Variants in CPAMD8 observed in about 807,000 individuals in gnomAD.
The protein encoded by CPAMD8 is C3 and PZP like alpha-2-macroglobulin domain containing 8.
In CPAMD8, 146 loss-of-function variants were observed where a neutral mutation model predicts 224.7. That is an observed-to-expected ratio of 0.65 (90% confidence interval 0.57 to 0.75). CPAMD8 has a LOEUF of 0.75. CPAMD8 is among the 30% of genes least tolerant of loss of function. The pLI is 0.00. For missense variants in CPAMD8, 2,301 were observed against 2,537.5 expected (o/e 0.91, Z 2.00); for synonymous variants, 966 against 1,044.6 (o/e 0.92, Z 1.45).
intron 19 of CPAMD8, among the ~76,000 whole-genome samples, chr19:16,955,607 T>C (rs2054444289): frequency 6.6e-6 from 1 of 152,194 alleles, no homozygotes; most frequent in Non-Finnish European, 1.5e-5. Context: ...AACTATACAC[T>C]TAAAAATGGT....
At chr19:16,948,886 G>A (rs1599763004) in intron 20 of CPAMD8, among the ~76,000 whole-genome samples, 1 of 76,076 alleles carries the variant, frequency 1.3e-5, no homozygotes, top group Non-Finnish European at 2.5e-5. Context: ...GGGAAGGGAA[G>A]GGAAGGGAAG....
chr19:16,984,797 G>A (rs1370518496), intron 13 of CPAMD8, among the ~76,000 whole-genome samples: 1 of 152,108 alleles, frequency 6.6e-6, no homozygotes, highest in South Asian at 2.1e-4. Flanking sequence ...ATCACTTGAG[G>A]CCAGGAGTTC....
chr19:16,977,622 TTG>T, intron 14 of CPAMD8, 82 bp from the exon 15 acceptor site: 1 of 1,114,414 alleles, frequency 9.0e-7, no homozygotes, highest in East Asian at 2.5e-5. Flanking sequence ...CTGCCCCAAT[TTG>T]CCCTGCGCTA....
At chr19:16,935,886 G>C (rs1207241111) in intron 23 of CPAMD8, among the ~76,000 whole-genome samples, 1 of 151,806 alleles carries the variant, frequency 6.6e-6, no homozygotes. Flanking sequence ...CAAAGTTTGA[G>C]TGGTCCACTT....
chr19:16,896,451 C>T lies in CPAMD8; in HGVS notation c.5275+5G>A, dbSNP rs1297961793. On this transcript the variant is annotated splice_donor_5th_base_variant and intron_variant, in intron 40 of 41. Coordinates refer to ENST00000443236, the MANE Select transcript of CPAMD8 (RefSeq NM_015692.5). ...CCGAGGCTAGGCGGGGGGTAGGGTC[C>T]TCACCGAGGGCGCAGCAGCTGGGAG... 1 of 1,453,972 alleles carries T rather than the reference C, an allele frequency of 6.9e-7. No individual in the cohort carries two copies. 90.1% of individuals were successfully genotyped at this position (1,453,972 alleles called of 1,614,324 possible). A position where few individuals can be genotyped will look rare whatever the true frequency, so the allele number is the denominator to read the frequency against.
chr19:16,945,255 G>T (rs1308142828), intron 22 of CPAMD8, among the ~76,000 whole-genome samples: 1 of 152,202 alleles, frequency 6.6e-6, no homozygotes, highest in Non-Finnish European at 1.5e-5. Context: ...CGAGATGAGG[G>T]ACATGGTCTT....
intron 18 of CPAMD8, among the ~76,000 whole-genome samples, chr19:16,963,014 G>C (rs1407687594): frequency 6.6e-6 from 1 of 152,118 alleles, no homozygotes; most frequent in Non-Finnish European, 1.5e-5. Flanking sequence ...TCACCACCAG[G>C]CCTGCCTTTC....
chr19:16,977,240 C>T, intron 15 of CPAMD8, 128 bp downstream of exon 15: 1 of 662,764 alleles, frequency 1.5e-6, no homozygotes, highest in Non-Finnish European at 2.6e-6. Flanking sequence ...AACTCATGTT[C>T]CCATAATTCC....
At chr19:16,900,890 T>C (rs2052225783) in intron 36 of CPAMD8, among the ~76,000 whole-genome samples, 1 of 151,986 alleles carries the variant, frequency 6.6e-6, no homozygotes, top group Non-Finnish European at 1.5e-5. Context: ...TGCATGCTTG[T>C]AGTCCCAGCT....
intron 30 of CPAMD8, among the ~76,000 whole-genome samples, chr19:16,906,309 CTT>C (rs918632419): frequency 1.4e-4 from 20 of 140,084 alleles, no homozygotes; most frequent in African/African-American, 4.5e-4. Flanking sequence ...CCCTCTCTCT[CTT>C]CTCTCCCTCC....
At position 16,920,466 on chromosome 19, in the gene CPAMD8, C is replaced by T. The variant is rs111613329; in HGVS notation, c.3629+1439G>A. Among the ~76,000 whole-genome samples the T allele has an allele frequency of 1.0e-2, 1,500 of 150,046 alleles. 24 individuals carry two copies. The highest frequency in any genetic ancestry group is 0.035 in the African/African-American group (1,405 of 40,706). Reference sequence around the variant, plus strand: ...CTGCACTCCAGCCTGGGTGACAGAGCGAGACTCCGTCTCAAAAAAAACAAA... The same window carrying T: ...CTGCACTCCAGCCTGGGTGACAGAGTGAGACTCCGTCTCAAAAAAAACAAA... On this transcript the variant is annotated intron_variant, in intron 27 of 41. Transcript: ENST00000443236.
At chr19:17,008,146 G>A (rs754182485) in intron 7 of CPAMD8, among the ~76,000 whole-genome samples, 17 of 152,346 alleles carry the variant, frequency 1.1e-4, no homozygotes, top group Middle Eastern at 3.4e-3. Context: ...TCCAGCCTGG[G>A]TGACAGAGAG....
chr19:16,950,449 T>A (rs1218275321), intron 20 of CPAMD8, among the ~76,000 whole-genome samples: 1 of 151,996 alleles, frequency 6.6e-6, no homozygotes, highest in Non-Finnish European at 1.5e-5. Context: ...ACATCCTGCA[T>A]GACGGGATCT....
chr19:16,975,874 C>CGACG (rs1266440398), intron 16 of CPAMD8, 128 bp downstream of exon 16: 1 of 1,018,268 alleles, frequency 9.8e-7, no homozygotes. Context: ...AAAATGAACC[C>CGACG]GACGGAGAAA....
chr19:16,892,961 A>G lies in CPAMD8; in HGVS notation c.*147T>C, dbSNP rs1049915679. ...GTGCACCCCAGAACATGTGAGTAAG[A>G]TCAGTAACGTGTATTCTTGTCAATA... is the stretch of plus-strand genomic sequence containing the variant. On this transcript the variant is annotated 3_prime_UTR_variant, in exon 42 of 42. Transcript: ENST00000443236. 1.3e-6 allele frequency: 1 copy of G among 763,272 alleles called. No homozygotes were observed. The highest frequency in any genetic ancestry group is 1.7e-5 in the African/African-American group (1 of 59,138). 47.3% of individuals were successfully genotyped at this position (763,272 alleles called of 1,614,324 possible).
intron 27 of CPAMD8, among the ~76,000 whole-genome samples, chr19:16,920,683 C>A (rs1158185525): frequency 6.6e-6 from 1 of 151,846 alleles, no homozygotes; most frequent in Non-Finnish European, 1.5e-5. Flanking sequence ...TGGTGAAACC[C>A]CGTCCCTACT....
chr19:16,937,846 G>A (rs191947126), intron 23 of CPAMD8, among the ~76,000 whole-genome samples: 1 of 152,198 alleles, frequency 6.6e-6, no homozygotes, highest in Admixed American at 6.5e-5. Flanking sequence ...TAGAGATGGG[G>A]TTTCACCATG....
chr19:16,938,028 C>A (rs1038282259), intron 23 of CPAMD8, among the ~76,000 whole-genome samples: 1 of 152,202 alleles, frequency 6.6e-6, no homozygotes, highest in Non-Finnish European at 1.5e-5. Context: ...TTCAAATGAT[C>A]CACCTTCCTC....
At position 16,968,641 on chromosome 19, in the gene CPAMD8, A is replaced by T. The variant is rs1484122193; in HGVS notation, c.2213+2250T>A. On this transcript the variant is annotated intron_variant, in intron 18 of 41. Coordinates refer to ENST00000443236, the MANE Select transcript of CPAMD8 (RefSeq NM_015692.5). ...CTTAAGTGTTTTTATTTATTTATTT[A>T]TTTATTTTTAAATTAGAGACAGAGT... Among the ~76,000 whole-genome samples, 3 of 151,988 alleles carry T rather than the reference A, an allele frequency of 2.0e-5. No individual in the cohort carries two copies. The South Asian group carries it at 6.2e-4, about 32-fold the overall frequency.
Sources: allele counts gnomAD v4.1 joint callset (sites outside exome capture counted in the v4.1 genomes callset), GRCh38; gene constraint gnomAD v4.1.1; transcripts MANE v1.5; gene names NCBI Gene and HGNC (gene_info 2026-07-23, HGNC 2026-07-21).